SFMBT2: variants seen among roughly 807,000 people sequenced by gnomAD.
SFMBT2 encodes the protein Scm like with four mbt domains 2, also known as scm-like with four MBT domains protein 2.
A neutral mutation model predicts 110.1 loss-of-function variants in SFMBT2; 38 were observed. That is an observed-to-expected ratio of 0.35 (90% confidence interval 0.27 to 0.45). The LOEUF is 0.45. Ranked by LOEUF, SFMBT2 falls within the 20% of genes least tolerant of loss-of-function variation. The pLI, the probability that SFMBT2 is intolerant of heterozygous loss-of-function variation, is 1.00. For missense variants in SFMBT2, 1,011 were observed against 1,094.9 expected, an observed-to-expected ratio of 0.92 and a Z score of 1.08; for synonymous variants, 425 against 425.4, an observed-to-expected ratio of 1.00 and a Z score of 0.01.
intron 4 of SFMBT2, among the ~76,000 whole-genome samples, chr10:7,352,868 A>G (rs934773380): frequency 3.3e-5 from 5 of 152,084 alleles, no homozygotes; most frequent in African/African-American, 9.7e-5. Flanking sequence ...AAAATTAGCC[A>G]GGCGTGATGG....
chr10:7,175,991 G>A lies in SFMBT2; in HGVS notation c.1983C>T (p.Tyr661=), dbSNP rs755181703. Reference sequence around the variant, plus strand: ...TCTTTTTTCATTATTTGTACTTACTGTATTTGGTTTTGGTATGAATGGAGC... The same window carrying A: ...TCTTTTTTCATTATTTGTACTTACTATATTTGGTTTTGGTATGAATGGAGC... ...ENCSIHTKTK[Y]TYYYGKRKKI... The change falls in exon 17 of 21, where the codon TAC becomes TAT. Residue 661 remains tyrosine (Y), a splice_region_variant and synonymous_variant. Coordinates refer to ENST00000397167, the MANE Select transcript of SFMBT2 (RefSeq NM_001387889.1). 4 of 1,611,996 alleles carry A rather than the reference G, an allele frequency of 2.5e-6. No individual in the cohort carries two copies. In the East Asian group the frequency reaches 8.9e-5, roughly 36 times the overall value.
intron 15 of SFMBT2, among the ~76,000 whole-genome samples, chr10:7,194,225 T>C (rs1005655321): frequency 1.3e-5 from 2 of 152,178 alleles, no homozygotes; most frequent in Admixed American, 6.5e-5. Flanking sequence ...CCAGGTCCCC[T>C]ACCTCCCCTC....
chr10:7,189,120 T>C (rs1263781856), intron 15 of SFMBT2: 1 of 979,392 alleles, frequency 1.0e-6, no homozygotes, highest in Non-Finnish European at 1.2e-6. Flanking sequence ...TTTTACAGAT[T>C]TCATAAGGAA....
chr10:7,382,072 G>C (rs1393957027), intron 1 of SFMBT2, 123 bp from the exon 2 acceptor site: 2 of 504,694 alleles, frequency 4.0e-6, no homozygotes, highest in Non-Finnish European at 6.8e-6. Flanking sequence ...TAACTTTCAA[G>C]ATGCAACATA....
rs973979658 is a variant in SFMBT2 at position 7,161,678 on chromosome 10, A to C, written c.*2092T>G. On this transcript the variant is annotated 3_prime_UTR_variant, in exon 21 of 21. Transcript: ENST00000397167. ...CAGGCAGATGCATCAGCCGAACTCT[A>C]AAACTTGATTCTAGAAATCGACTGC... is the stretch of plus-strand genomic sequence containing the variant. 5.3e-5 allele frequency: 8 copies of C among 152,210 alleles called. No homozygotes were observed. Among genetic ancestry groups the C allele is most frequent in the African/African-American group, 1.9e-4 (8 of 41,444 alleles). 9.4% of individuals were successfully genotyped at this position (152,210 alleles called of 1,614,324 possible).
chr10:7,328,547 C>T (rs994731364), intron 4 of SFMBT2, among the ~76,000 whole-genome samples: 2 of 152,188 alleles, frequency 1.3e-5, no homozygotes, highest in Non-Finnish European at 2.9e-5. Context: ...CCCACAAATC[C>T]CATGTCCTCT....
At chr10:7,189,821 G>C (rs1838541156) in intron 15 of SFMBT2, among the ~76,000 whole-genome samples, 1 of 152,244 alleles carries the variant, frequency 6.6e-6, no homozygotes. Context: ...AGATACACCT[G>C]AGTGAGATGG....
chr10:7,391,373 G>A (rs1845759296), intron 1 of SFMBT2, among the ~76,000 whole-genome samples: 1 of 151,888 alleles, frequency 6.6e-6, no homozygotes, highest in African/African-American at 2.4e-5. Context: ...GGCTGAGGCA[G>A]GAGAATCGCT....
chr10:7,222,064 C>T (rs886166797), intron 10 of SFMBT2, among the ~76,000 whole-genome samples: 1 of 152,196 alleles, frequency 6.6e-6, no homozygotes, highest in Non-Finnish European at 1.5e-5. Flanking sequence ...GGATCAGAAT[C>T]CCCATTTTAT....
chr10:7,346,568 T>C (rs1173178108), intron 4 of SFMBT2, among the ~76,000 whole-genome samples: 1 of 152,154 alleles, frequency 6.6e-6, no homozygotes, highest in African/African-American at 2.4e-5. Context: ...CTATAGACAA[T>C]ACATTTTGAC....
Position 7,321,468 on chromosome 10 carries a change from T to C in SFMBT2, c.437-35514A>G, listed in dbSNP as rs1421689259. The stretch of plus-strand genomic sequence containing the variant: ...TGCCCTCCTCAGCCTCCCAAAGTGC[T>C]GGGATTACAGGCGTGAGCCACCGTG... On this transcript the variant is annotated intron_variant, in intron 4 of 20. Coordinates refer to ENST00000397167, the MANE Select transcript of SFMBT2 (RefSeq NM_001387889.1). Among the ~76,000 whole-genome samples the C allele has an allele frequency of 5.3e-5, 8 of 152,284 alleles. No homozygotes were observed. In the East Asian group the frequency reaches 1.5e-3, roughly 29 times the overall value.
rs771071880 is a variant in SFMBT2 at position 7,172,502 on chromosome 10, G to A, written c.2144C>T (p.Ser715Leu). The change falls in exon 18 of 21, where the codon TCG (serine) becomes TTG (leucine). Residue 715 changes from serine to leucine, a missense_variant. Ser to Leu is a moderately radical substitution (Grantham distance 145). Transcript: ENST00000397167. This position sits in a 1 kb window ranked among gnomAD's most constrained non-coding sequence, Gnocchi z 4.6. ...GCCCCGGGCAGAACATACCTCCCCC[G>A]AGCCCGCGGTGAAGTCCACGGCAGA... Reference protein sequence around the residue: ...RSSAVDFTAGSGEESEEEDAD... With the variant: ...RSSAVDFTAGLGEESEEEDAD... The A allele has an allele frequency of 3.2e-5, 52 of 1,613,820 alleles. No individual in the cohort carries two copies. In the Middle Eastern group the frequency reaches 5.1e-4, roughly 16 times the overall value.
chr10:7,336,609 A>G (rs1330240225), intron 4 of SFMBT2, among the ~76,000 whole-genome samples: 1 of 152,152 alleles, frequency 6.6e-6, no homozygotes, highest in Non-Finnish European at 1.5e-5. Flanking sequence ...AGCTATGATC[A>G]TGCCACTGCA....
At chr10:7,378,966 C>T (rs1326996924) in intron 2 of SFMBT2, among the ~76,000 whole-genome samples, 1 of 152,106 alleles carries the variant, frequency 6.6e-6, no homozygotes, top group East Asian at 1.9e-4. Flanking sequence ...TTGCTTCTAA[C>T]ACAGGGCTCA....
intron 7 of SFMBT2, among the ~76,000 whole-genome samples, chr10:7,275,998 T>C (rs1347624423): frequency 6.6e-6 from 1 of 152,232 alleles, no homozygotes; most frequent in East Asian, 1.9e-4. Flanking sequence ...ACGCCAATGG[T>C]GTTGGGTCGC....
At chr10:7,390,615 T>G (rs1845738213) in intron 1 of SFMBT2, among the ~76,000 whole-genome samples, 1 of 151,924 alleles carries the variant, frequency 6.6e-6, no homozygotes, top group Non-Finnish European at 1.5e-5. Flanking sequence ...AGTTTTTCTA[T>G]AAAGAAAAAA....
intron 6 of SFMBT2, 59 bp from the exon 7 acceptor site, chr10:7,277,048 C>CT: frequency 1.2e-6 from 1 of 809,992 alleles, no homozygotes; most frequent in South Asian, 1.3e-5. Flanking sequence ...CCGGGTGACT[C>CT]TTTCCTGCAT....
chr10:7,328,707 A>G (rs531771270), intron 4 of SFMBT2, among the ~76,000 whole-genome samples: 4 of 152,380 alleles, frequency 2.6e-5, no homozygotes, highest in South Asian at 2.1e-4. Flanking sequence ...TTGATAAAGT[A>G]AGTGCTGAAA....
Position 7,171,949 on chromosome 10 carries a change from G to A in SFMBT2, c.2361C>T (p.Ala787=). Residue 787 remains alanine, a synonymous_variant, in exon 19 of 21, where the codon GCC becomes GCT. Coordinates refer to ENST00000397167, the MANE Select transcript of SFMBT2 (RefSeq NM_001387889.1). The surrounding 1 kb of genome is among the most constrained non-coding windows in gnomAD (Gnocchi z 4.9). ...ACTTCTCCCCTTCCTCTGCTGAGGA[G>A]GCAGCCGGCGCCCCGCGGCCCCTTC... ...RTRRGRGAPA[A]SSAEEGEKCP... is the part of the protein sequence containing the mutation. 6.8e-7 allele frequency: 1 copy of A among 1,469,458 alleles called. No individual in the cohort carries two copies. Among genetic ancestry groups the A allele is most frequent in the Non-Finnish European group, 9.0e-7 (1 of 1,113,742 alleles). 91.0% of individuals were successfully genotyped at this position (1,469,458 alleles called of 1,614,324 possible). A position where few individuals can be genotyped will look rare whatever the true frequency, so the allele number is the denominator to read the frequency against.
Sources: gnomAD v4.1 joint callset for allele counts (sites outside exome capture counted in the v4.1 genomes callset) on GRCh38, gnomAD v4.1.1 for gene constraint, Gnocchi (gnomAD v3.1) non-coding constraint, MANE v1.5 for transcripts, NCBI Gene and HGNC (gene_info 2026-07-23, HGNC 2026-07-21) for gene names.